Variants in ARHGEF28 observed in about 807,000 individuals in gnomAD.
ARHGEF28 encodes the protein 190 kDa guanine nucleotide exchange factor.
A neutral mutation model predicts 206.6 loss-of-function variants in ARHGEF28; 152 were observed. The observed-to-expected ratio is 0.74, with a 90% confidence interval of 0.64 to 0.84. ARHGEF28 has a LOEUF of 0.84. Ranked by LOEUF, ARHGEF28 falls within the 40% of genes least tolerant of loss-of-function variation. The pLI is 0.00. For synonymous variants in ARHGEF28, 763 were observed against 776.4 expected, an observed-to-expected ratio of 0.98 and a Z score of 0.29; for missense variants, 2,028 against 2,073.2, an observed-to-expected ratio of 0.98 and a Z score of 0.42.
chr5:73,682,962 C>T (rs1279152974), intron 1 of ARHGEF28, among the ~76,000 whole-genome samples: 1 of 152,136 alleles, frequency 6.6e-6, no homozygotes, highest in Non-Finnish European at 1.5e-5. Context: ...AATTCTCTTG[C>T]AGCCTGCTCC....
At chr5:73,706,029 A>G (rs1748909898) in intron 2 of ARHGEF28, among the ~76,000 whole-genome samples, 1 of 152,198 alleles carries the variant, frequency 6.6e-6, no homozygotes, top group African/African-American at 2.4e-5. Flanking sequence ...CTGTTTACCC[A>G]GAAGGGTGGA....
chr5:73,914,549 A>G (rs1347488481), intron 35 of ARHGEF28, among the ~76,000 whole-genome samples: 1 of 151,694 alleles, frequency 6.6e-6, no homozygotes, highest in Non-Finnish European at 1.5e-5. Context: ...GGTGCCCGCC[A>G]TCACACCTGG....
chr5:73,904,428 T>C, intron 33 of ARHGEF28, 23 bp downstream of exon 33: 1 of 1,591,704 alleles, frequency 6.3e-7, no homozygotes, highest in Non-Finnish European at 8.6e-7. Context: ...CTCTAATCTT[T>C]GACCTTGTGA....
intron 22 of ARHGEF28, among the ~76,000 whole-genome samples, chr5:73,879,496 G>T (rs1760766750): frequency 6.6e-6 from 1 of 152,178 alleles, no homozygotes; most frequent in African/African-American, 2.4e-5. Flanking sequence ...AGGAGGAGAG[G>T]CGCTCTGCTT....
At chr5:73,666,036 T>C (rs192832430) in intron 1 of ARHGEF28, among the ~76,000 whole-genome samples, 31 of 152,254 alleles carry the variant, frequency 2.0e-4, no homozygotes, top group Non-Finnish European at 2.9e-4. Flanking sequence ...GCAAGTTCCT[T>C]CCAGTTGTGA....
intron 11 of ARHGEF28, among the ~76,000 whole-genome samples, chr5:73,841,415 A>G (rs1757980323): frequency 6.6e-6 from 1 of 152,172 alleles, no homozygotes; most frequent in Non-Finnish European, 1.5e-5. Context: ...GCTATAAAGA[A>G]AAACAAGAGG....
intron 4 of ARHGEF28, among the ~76,000 whole-genome samples, chr5:73,756,983 G>A (rs79186157): frequency 1.3e-5 from 2 of 152,148 alleles, no homozygotes; most frequent in Non-Finnish European, 2.9e-5. Context: ...CAATGCACAT[G>A]TATACTCTAT....
At chr5:73,868,874 T>G (rs1323800169) in intron 20 of ARHGEF28, among the ~76,000 whole-genome samples, 1 of 152,206 alleles carries the variant, frequency 6.6e-6, no homozygotes, top group Non-Finnish European at 1.5e-5. Context: ...CTTGAACTCC[T>G]GACCTCAGGT....
At chr5:73,718,910 C>T (rs1749748929) in intron 2 of ARHGEF28, among the ~76,000 whole-genome samples, 1 of 152,208 alleles carries the variant, frequency 6.6e-6, no homozygotes, top group African/African-American at 2.4e-5. Flanking sequence ...CACCCAGCCT[C>T]TCGGCATTGC....
intron 6 of ARHGEF28, among the ~76,000 whole-genome samples, chr5:73,779,102 G>T (rs906459243): frequency 6.6e-6 from 1 of 152,220 alleles, no homozygotes; most frequent in Non-Finnish European, 1.5e-5. Flanking sequence ...AACCCAGTCA[G>T]AAGCCATACT....
At chr5:73,814,584 A>C (rs1756064667) in intron 9 of ARHGEF28, among the ~76,000 whole-genome samples, 1 of 152,006 alleles carries the variant, frequency 6.6e-6, no homozygotes, top group Non-Finnish European at 1.5e-5. Context: ...TTATGTTTTC[A>C]ATTCAAGGAG....
intron 1 of ARHGEF28, among the ~76,000 whole-genome samples, chr5:73,643,270 G>C (rs1744232561): frequency 6.6e-6 from 1 of 152,134 alleles, no homozygotes; most frequent in African/African-American, 2.4e-5. Context: ...CAGAATGAGA[G>C]CTGTGAGTTA....
At chr5:73,715,841 T>G in intron 2 of ARHGEF28, among the ~76,000 whole-genome samples, 1 of 152,196 alleles carries the variant, frequency 6.6e-6, no homozygotes, top group East Asian at 1.9e-4. Context: ...CAAATAAAAT[T>G]ATTTCCATGT....
At chr5:73,918,909 T>G (rs1763366782) in intron 35 of ARHGEF28, among the ~76,000 whole-genome samples, 1 of 152,206 alleles carries the variant, frequency 6.6e-6, no homozygotes, top group South Asian at 2.1e-4. Flanking sequence ...TGCAAACTTG[T>G]GTATCTAACA....
rs575959081 is a variant in ARHGEF28, at chr5:73,901,027, C to T, written c.3974-157C>T. On this transcript the variant is annotated intron_variant, in intron 30 of 35. Transcript: ENST00000513042. ...GGCAGGGACCACATGCATTGCTCTG[C>T]GCTCATCCAAGCACCTCATCTAAGA... is the stretch of plus-strand genomic sequence containing the variant. The T allele has an allele frequency of 5.9e-4, 345 of 589,480 alleles. 3 individuals are homozygous for T. In the Middle Eastern group the frequency reaches 6.4e-3, roughly 11 times the overall value. The allele number at this position is 589,480 out of a possible 1,614,324, so 36.5% of individuals were successfully genotyped here.
chr5:73,825,662 C>A (rs914494700), intron 9 of ARHGEF28, among the ~76,000 whole-genome samples: 7 of 152,076 alleles, frequency 4.6e-5, no homozygotes, highest in Admixed American at 2.0e-4. Context: ...AGGAAGAAGA[C>A]CGTGGTGGCT....
chr5:73,813,530 G>A lies in ARHGEF28; in HGVS notation c.1024+18139G>A, dbSNP rs531838257. 319 of 1,529,052 alleles carry A rather than the reference G, an allele frequency of 2.1e-4. 1 individual carries two copies. Among genetic ancestry groups the A allele is most frequent in the South Asian group, 1.4e-3 (113 of 83,420 alleles). 94.7% of individuals were successfully genotyped at this position (1,529,052 alleles called of 1,614,324 possible). On this transcript the variant is annotated intron_variant, in intron 9 of 35. Coordinates refer to ENST00000513042, the MANE Select transcript of ARHGEF28 (RefSeq NM_001177693.2). ...GGAGGCTTGCCTCCTGGCTGGGGACGCCCCGAGTTCTTCCTGAGTCTCTAC... is the reference window on the plus strand; with the variant it reads ...GGAGGCTTGCCTCCTGGCTGGGGACACCCCGAGTTCTTCCTGAGTCTCTAC...
chr5:73,883,941 T>C, intron 24 of ARHGEF28, 57 bp downstream of exon 24: 1 of 1,098,614 alleles, frequency 9.1e-7, no homozygotes, highest in Non-Finnish European at 1.3e-6. Context: ...TAAACACAGT[T>C]GAGGTGTTCT....
intron 2 of ARHGEF28, among the ~76,000 whole-genome samples, chr5:73,686,743 C>G (rs1204057415): frequency 6.6e-6 from 1 of 151,686 alleles, no homozygotes; most frequent in African/African-American, 2.4e-5. Flanking sequence ...AGGATGGTCT[C>G]GATCTCCTGA....
Sources: allele counts gnomAD v4.1 joint callset (sites outside exome capture counted in the v4.1 genomes callset), GRCh38; gene constraint gnomAD v4.1.1; transcripts MANE v1.5; gene names NCBI Gene and HGNC (gene_info 2026-07-23, HGNC 2026-07-21).